Variants in SOBP observed in about 807,000 individuals in gnomAD.
SOBP encodes sine oculis-binding protein homolog.
SOBP carries 4 observed loss-of-function variants against 53.6 expected under a neutral mutation model. The observed-to-expected ratio is 0.07, with a 90% CI of 0.04 to 0.17. The LOEUF (loss-of-function observed/expected upper bound fraction) is 0.17, where lower values mean the gene tolerates loss of function less well. SOBP is among the 10% of genes least tolerant of loss of function. The probability of loss-of-function intolerance (pLI) is 1.00; values close to 1 mark genes in which losing one functional copy is unlikely to be tolerated. For missense variants in SOBP, 1,088 were observed against 1,204.7 expected, an observed-to-expected ratio of 0.90 and a Z score of 1.43; for synonymous variants, 584 against 522.6, an observed-to-expected ratio of 1.12 and a Z score of -1.60.
chr6:107,504,190 A>G (rs983302803), intron 2 of SOBP, among the ~76,000 whole-genome samples: 17 of 152,232 alleles, frequency 1.1e-4, no homozygotes, highest in Admixed American at 3.3e-4. Context: ...TCAGACTGCT[A>G]GAGAGATTCA....
intron 3 of SOBP, among the ~76,000 whole-genome samples, chr6:107,528,143 A>C (rs1783718423): frequency 6.6e-6 from 1 of 152,234 alleles, no homozygotes; most frequent in Non-Finnish European, 1.5e-5. Flanking sequence ...ATTTCAAAGC[A>C]TAAATCATTA....
chr6:107,536,560 G>C (rs1046266237), intron 4 of SOBP, among the ~76,000 whole-genome samples: 1 of 152,080 alleles, frequency 6.6e-6, no homozygotes, highest in Non-Finnish European at 1.5e-5. Context: ...TTGTTTAATG[G>C]GGCGGGTTGA....
intron 6 of SOBP, among the ~76,000 whole-genome samples, chr6:107,655,427 A>T (rs2114256274): frequency 6.6e-6 from 1 of 152,304 alleles, no homozygotes; most frequent in Admixed American, 6.5e-5. Context: ...TGTTATCAGC[A>T]GAGAGGGACT....
rs373607166 is a variant in SOBP at position 107,634,520 on chromosome 6, G to A, written c.1676G>A (p.Gly559Glu). The A allele has an allele frequency of 7.4e-6, 12 of 1,611,230 alleles. No individual in the cohort carries two copies. The highest frequency in any genetic ancestry group is 1.3e-5 in the African/African-American group (1 of 75,020). ...SKPPNGFSSNGENFIPNAPGD... is the reference protein window; with the variant it reads ...SKPPNGFSSNEENFIPNAPGD... ...CCCCCCAACGGGTTCTCCAGCAACG[G>A]GGAGAACTTCATTCCGAACGCCCCT... The change falls in exon 6 of 7, where the codon GGG becomes GAG. Residue 559 changes from glycine (G) to glutamate (E), a missense_variant. Around this residue, in one of 6 missense-constraint regions of SOBP, gnomAD observed 665 missense variants for 629.7 expected, o/e 1.06. Transcript: ENST00000317357. The surrounding 1 kb of genome is among the most constrained non-coding windows in gnomAD (Gnocchi z 4.5).
chr6:107,558,498 G>A (rs772882580), intron 4 of SOBP, among the ~76,000 whole-genome samples: 2 of 151,806 alleles, frequency 1.3e-5, no homozygotes, highest in Non-Finnish European at 2.9e-5. Context: ...TCGAACTCCT[G>A]ACCTCGTGAT....
intron 1 of SOBP, among the ~76,000 whole-genome samples, chr6:107,498,757 T>C (rs2114937667): frequency 6.6e-6 from 1 of 152,324 alleles, no homozygotes; most frequent in African/African-American, 2.4e-5. Flanking sequence ...TTTCCACCTA[T>C]CTTTCTGTGA....
In SOBP at chr6:107,534,855, G is replaced by A. The variant is rs77714850; in HGVS notation, c.573+1245G>A. On this transcript the variant is annotated intron_variant, in intron 4 of 6. Transcript: ENST00000317357. Reference sequence around the variant, plus strand: ...GAGGAGCCAGTGAATCTGGGGAGGAGGGTGGGAAGAATGATGCACGGGAGA... The same window carrying A: ...GAGGAGCCAGTGAATCTGGGGAGGAAGGTGGGAAGAATGATGCACGGGAGA... Among the ~76,000 whole-genome samples the A allele has an allele frequency of 5.5e-3, 830 of 152,254 alleles. 29 individuals carry two copies. The East Asian group carries it at 0.088, about 16-fold the overall frequency.
At chr6:107,499,825 T>G (rs752632809) in intron 1 of SOBP, among the ~76,000 whole-genome samples, 37 of 152,242 alleles carry the variant, frequency 2.4e-4, no homozygotes, top group Non-Finnish European at 5.0e-4. Flanking sequence ...ATAACCTGCC[T>G]TCGTTCAGTG....
intron 3 of SOBP, among the ~76,000 whole-genome samples, chr6:107,509,507 C>T (rs1366768827): frequency 6.6e-6 from 1 of 151,634 alleles, no homozygotes; most frequent in African/African-American, 2.4e-5. Flanking sequence ...AGTTATCATG[C>T]ACATAAATTG....
At chr6:107,505,024 G>A (rs1021514522) in intron 2 of SOBP, among the ~76,000 whole-genome samples, 5 of 152,140 alleles carry the variant, frequency 3.3e-5, no homozygotes. Context: ...GTTTTTTTAA[G>A]TGATTCACAT....
rs555669823 is a variant in SOBP, at chr6:107,614,259, G to A, written c.670-19255G>A. On this transcript the variant is annotated intron_variant, in intron 5 of 6. Coordinates refer to ENST00000317357, the MANE Select transcript of SOBP (RefSeq NM_018013.4). ...TCTACAAAAAAATTAAAAATTAGCT[G>A]GGTGTGGTGCACACCTGTGGTCCCA... 2.3e-4 allele frequency among the ~76,000 whole-genome samples: 35 copies of A among 152,252 alleles called. 1 individual carries two copies. Among genetic ancestry groups the A allele is most frequent in the African/African-American group, 7.7e-4 (32 of 41,540 alleles).
At chr6:107,628,834 G>A (rs1202154929) in intron 5 of SOBP, among the ~76,000 whole-genome samples, 5 of 152,218 alleles carry the variant, frequency 3.3e-5, no homozygotes, top group African/African-American at 7.2e-5. Flanking sequence ...CTGGGACCAC[G>A]GCATTCCAGG....
intron 4 of SOBP, among the ~76,000 whole-genome samples, chr6:107,545,651 G>A (rs541844542): frequency 1.3e-5 from 2 of 152,228 alleles, no homozygotes; most frequent in East Asian, 3.9e-4. Flanking sequence ...AGAGGTATCT[G>A]AATCTCTCTT....
chr6:107,639,982 G>T (rs1771237729), intron 6 of SOBP, among the ~76,000 whole-genome samples: 1 of 152,152 alleles, frequency 6.6e-6, no homozygotes, highest in Non-Finnish European at 1.5e-5. Flanking sequence ...TACTACTCCA[G>T]GCTCAGCAGG....
chr6:107,533,298 A>G (rs1343277013), intron 3 of SOBP, among the ~76,000 whole-genome samples, 161 bp from the exon 4 acceptor site: 3 of 137,064 alleles, frequency 2.2e-5, no homozygotes, highest in East Asian at 2.4e-4. Flanking sequence ...AAAAAAAAAG[A>G]GAGAGAGAAA....
In SOBP at chr6:107,635,106, C is replaced by G. The variant is rs772826214; in HGVS notation, c.2262C>G (p.Pro754=). 2.5e-6 allele frequency: 4 copies of G among 1,609,028 alleles called. No homozygotes were observed. Among genetic ancestry groups the G allele is most frequent in the Non-Finnish European group, 3.4e-6 (4 of 1,177,878 alleles). ...QPPPPPPPAP[P]KKLLSPEEPA... is the part of the protein sequence containing the mutation. ...CGCCGCCGCCGCCGCCCGCGCCCCCCAAGAAGCTGCTGTCGCCTGAGGAAC... is the reference window on the plus strand; with the variant it reads ...CGCCGCCGCCGCCGCCCGCGCCCCCGAAGAAGCTGCTGTCGCCTGAGGAAC... Residue 754 remains proline (P), a synonymous_variant, in exon 6 of 7, where the codon CCC becomes CCG. Coordinates refer to ENST00000317357, the MANE Select transcript of SOBP (RefSeq NM_018013.4). The surrounding 1 kb of genome is among the most constrained non-coding windows in gnomAD (Gnocchi z 4.5).
At chr6:107,513,724 CAAAAA>C (rs57209957) in intron 3 of SOBP, among the ~76,000 whole-genome samples, 1 of 96,310 alleles carries the variant, frequency 1.0e-5, no homozygotes. Flanking sequence ...ATGCAATTCT[CAAAAA>C]AAAAAAAAAA....
At chr6:107,598,416 G>C (rs77088583) in intron 5 of SOBP, among the ~76,000 whole-genome samples, 2,645 of 152,276 alleles carry the variant, frequency 0.017, 85 homozygotes, top group African/African-American at 0.06. Context: ...CGATGGAAGG[G>C]CATCCCAGAG....
At chr6:107,524,185 C>T (rs1266482087) in intron 3 of SOBP, among the ~76,000 whole-genome samples, 2 of 152,182 alleles carry the variant, frequency 1.3e-5, no homozygotes, top group African/African-American at 4.8e-5. Flanking sequence ...AGATGGTGCC[C>T]CTCTAGGCAG....
Sources: allele counts gnomAD v4.1 joint callset (sites outside exome capture counted in the v4.1 genomes callset), GRCh38; gene constraint gnomAD v4.1.1; regional missense constraint gnomAD v4.1.1; non-coding constraint Gnocchi (gnomAD v3.1); transcripts MANE v1.5; gene names NCBI Gene and HGNC (gene_info 2026-07-23, HGNC 2026-07-21).